The following IMPA1 variants were observed in gnomAD, a reference collection of about 807,000 sequenced individuals.
IMPA1 encodes the protein inositol monophosphatase 1.
IMPA1 carries 21 observed loss-of-function variants against 34.9 expected under a neutral mutation model. That is an observed-to-expected ratio of 0.60 (90% CI 0.43 to 0.87). The LOEUF (loss-of-function observed/expected upper bound fraction) is 0.87. Among genes scored for constraint, IMPA1 ranks in the 40% least tolerant of loss-of-function variants. The pLI is 0.00. For missense variants in IMPA1, 299 were observed against 336.4 expected (o/e 0.89, Z 0.87); for synonymous variants, 95 against 104.4 (o/e 0.91, Z 0.55).
At chr8:81,674,755 T>C (rs1807082085) in intron 5 of IMPA1, 2 of 452,616 alleles carry the variant, frequency 4.4e-6, no homozygotes, top group Non-Finnish European at 8.9e-6. Context: ...TTCACACAGG[T>C]TGGTTTTTTA....
chr8:81,665,561 A>G (rs1217734985), intron 7 of IMPA1, among the ~76,000 whole-genome samples: 1 of 152,168 alleles, frequency 6.6e-6, no homozygotes, highest in Non-Finnish European at 1.5e-5. Context: ...ACAGAAGTGC[A>G]CTAGTACTTA....
At chr8:81,661,086 T>C (rs1291499438) in intron 7 of IMPA1, among the ~76,000 whole-genome samples, 1 of 152,190 alleles carries the variant, frequency 6.6e-6, no homozygotes, top group Non-Finnish European at 1.5e-5. Context: ...CATTTTCAAC[T>C]GGGTGTGCGT....
intron 8 of IMPA1, among the ~76,000 whole-genome samples, chr8:81,660,109 C>T (rs936406171): frequency 5.3e-5 from 8 of 152,120 alleles, no homozygotes; most frequent in Admixed American, 3.3e-4. Flanking sequence ...GCACTAATGA[C>T]GGCTGATGAG....
chr8:81,671,000 GTGTT>G lies in IMPA1; in HGVS notation c.501_504del (p.Arg167SerfsTer5). The G allele has an allele frequency of 6.5e-7, 1 of 1,532,778 alleles. No homozygotes were observed. Among genetic ancestry groups the G allele is most frequent in the Non-Finnish European group, 8.7e-7 (1 of 1,151,826 alleles). The allele number at this position is 1,532,778 out of a possible 1,614,324, so 94.9% of individuals were successfully genotyped here. A position where few individuals can be genotyped will look rare whatever the true frequency, so the allele number is the denominator to read the frequency against. ...GAAAGAACCATTCTCACAGTCTCTG[GTGTT>G]CTGGAAGAGCCCAACTCAGTCACCA... On this transcript the variant is annotated frameshift_variant, in exon 7 of 9. Transcript: ENST00000256108. LOFTEE classifies it high-confidence loss of function.
rs11987356 is a variant in IMPA1 at position 81,657,572 on chromosome 8, C to T, written c.*1779G>A. ...TTACTGTTTGAGCAGAAGAGCAAGA[C>T]ACTGTCTTCAAAAAACAAAAACAAA... On this transcript the variant is annotated 3_prime_UTR_variant, in exon 9 of 9. Transcript: ENST00000256108. Among the ~76,000 whole-genome samples, 1,774 of 152,136 alleles carry T rather than the reference C, an allele frequency of 0.012. 29 individuals are homozygous for T. Among genetic ancestry groups the T allele is most frequent in the African/African-American group, 0.04 (1,667 of 41,478 alleles).
At chr8:81,678,379 A>G (rs989696668) in intron 4 of IMPA1, among the ~76,000 whole-genome samples, 5 of 152,152 alleles carry the variant, frequency 3.3e-5, no homozygotes, top group Admixed American at 3.3e-4. Flanking sequence ...AATTTTTTAA[A>G]TTTATTTTTA....
chr8:81,686,134 C>T (rs536699176), intron 1 of IMPA1, 118 bp downstream of exon 1: 6 of 826,918 alleles, frequency 7.3e-6, no homozygotes, highest in Non-Finnish European at 9.6e-6. Flanking sequence ...CTGCCTCCAC[C>T]CTAGGCGCCG....
intron 7 of IMPA1, among the ~76,000 whole-genome samples, chr8:81,666,194 T>C (rs2300495): frequency 0.026 from 4,011 of 152,246 alleles, 87 homozygotes; most frequent in East Asian, 0.086. Context: ...ACATTCTAGA[T>C]AGTAAATAGT....
chr8:81,666,621 C>A (rs1384353468), intron 7 of IMPA1, among the ~76,000 whole-genome samples: 1 of 152,112 alleles, frequency 6.6e-6, no homozygotes, highest in African/African-American at 2.4e-5. Context: ...CGCCTGTAAT[C>A]CCAGAACTTT....
chr8:81,664,827 C>A (rs1806774647), intron 7 of IMPA1, among the ~76,000 whole-genome samples: 1 of 151,054 alleles, frequency 6.6e-6, no homozygotes, highest in Non-Finnish European at 1.5e-5. Flanking sequence ...TGTAACTAAC[C>A]TGCACATTGT....
At chr8:81,680,867 A>G in intron 2 of IMPA1, 84 bp from the exon 3 acceptor site, 1 of 985,270 alleles carries the variant, frequency 1.0e-6, no homozygotes, top group Non-Finnish European at 1.5e-6. Context: ...AAGACATTCA[A>G]TCTGTCTTAA....
intron 1 of IMPA1, among the ~76,000 whole-genome samples, chr8:81,683,712 C>A (rs146783526): frequency 1.4e-4 from 21 of 152,270 alleles, no homozygotes; most frequent in African/African-American, 4.8e-4. Context: ...CCTGAGCTCA[C>A]AGGAGAGGTA....
At chr8:81,664,948 C>A (rs1806778094) in intron 7 of IMPA1, among the ~76,000 whole-genome samples, 1 of 146,752 alleles carries the variant, frequency 6.8e-6, no homozygotes, top group South Asian at 2.2e-4. Context: ...GAATGATAAA[C>A]AAGACAAGCC....
chr8:81,678,011 T>C (rs1050932324), intron 4 of IMPA1, among the ~76,000 whole-genome samples: 1 of 152,208 alleles, frequency 6.6e-6, no homozygotes, highest in African/African-American at 2.4e-5. Context: ...GTACTACTCA[T>C]AGAGTTGAGT....
At position 81,660,615 on chromosome 8, in the gene IMPA1, C is replaced by T. The variant is rs562872543; in HGVS notation, c.619G>A (p.Gly207Arg). ...AVNMCLVATGGADAYYEMGIH... is the reference protein window; with the variant it reads ...AVNMCLVATGRADAYYEMGIH... ...CCCATTTCATAATATGCATCTGCTC[C>T]GCCAGTTGCCACAAGGCACATATTA... Residue 207 changes from glycine to arginine, a missense_variant, in exon 8 of 9, where the codon GGA becomes AGA. Transcript: ENST00000256108. 1.4e-5 allele frequency: 23 copies of T among 1,611,860 alleles called. No individual in the cohort carries two copies. Among genetic ancestry groups the T allele is most frequent in the Middle Eastern group, 1.7e-4 (1 of 6,050 alleles).
intron 7 of IMPA1, among the ~76,000 whole-genome samples, chr8:81,664,638 G>A (rs1218743990): frequency 6.6e-6 from 1 of 152,076 alleles, no homozygotes; most frequent in Non-Finnish European, 1.5e-5. Context: ...CCTCAGAGAA[G>A]CTGTGATTCT....
intron 7 of IMPA1, among the ~76,000 whole-genome samples, chr8:81,668,059 G>A (rs186613080): frequency 1.6e-4 from 24 of 152,132 alleles, no homozygotes; most frequent in African/African-American, 5.3e-4. Context: ...TCCTGACCTC[G>A]TGATCCACCT....
intron 1 of IMPA1, among the ~76,000 whole-genome samples, chr8:81,682,963 ACATG>A (rs1807344294): frequency 6.6e-6 from 1 of 152,234 alleles, no homozygotes; most frequent in Admixed American, 6.5e-5. Context: ...ACTAAAGACT[ACATG>A]CAAAATAACA....
At chr8:81,669,217 A>C (rs995860014) in intron 7 of IMPA1, among the ~76,000 whole-genome samples, 5 of 152,118 alleles carry the variant, frequency 3.3e-5, no homozygotes, top group African/African-American at 1.2e-4. Flanking sequence ...CACCACAGAG[A>C]GTCCCCACTA....
Sources: gnomAD v4.1 joint callset for allele counts (sites outside exome capture counted in the v4.1 genomes callset) on GRCh38, gnomAD v4.1.1 for gene constraint, MANE v1.5 for transcripts, NCBI Gene and HGNC (gene_info 2026-07-23, HGNC 2026-07-21) for gene names.